UTRN: variants seen among roughly 807,000 people sequenced by gnomAD.
UTRN encodes dystrophin-related protein 1.
In UTRN, 283 loss-of-function variants were observed where a neutral mutation model predicts 463.9. The observed-to-expected ratio is 0.61, with a 90% CI of 0.55 to 0.67. UTRN has a LOEUF of 0.67. Among genes scored for constraint, UTRN ranks in the 30% least tolerant of loss-of-function variants. The pLI is 0.00. For missense variants in UTRN, 3,922 were observed against 4,084.3 expected, an observed-to-expected ratio of 0.96 and a Z score of 1.08; for synonymous variants, 1,442 against 1,431.5, an observed-to-expected ratio of 1.01 and a Z score of -0.17.
chr6:144,290,319 ATT>A (rs1427001354), intron 1 of UTRN, among the ~76,000 whole-genome samples: 27 of 152,310 alleles, frequency 1.8e-4, no homozygotes, highest in Admixed American at 4.6e-4. Context: ...TGTCATGTCT[ATT>A]TAGTCTCCTT....
intron 49 of UTRN, among the ~76,000 whole-genome samples, chr6:144,556,176 G>C (rs944755436): frequency 6.6e-6 from 1 of 152,206 alleles, no homozygotes; most frequent in African/African-American, 2.4e-5. Context: ...TAAGATGGAA[G>C]TGTATATTTG....
chr6:144,382,903 C>T (rs1250542495), intron 2 of UTRN, among the ~76,000 whole-genome samples: 1 of 152,146 alleles, frequency 6.6e-6, no homozygotes, highest in Non-Finnish European at 1.5e-5. Context: ...CGTTTTAGAT[C>T]AGAGTTATAG....
At chr6:144,318,076 A>G (rs1047089053) in intron 2 of UTRN, among the ~76,000 whole-genome samples, 27 of 151,354 alleles carry the variant, frequency 1.8e-4, no homozygotes, top group Non-Finnish European at 3.1e-4. Context: ...TTTTTTTAAC[A>G]CCCTGTGATA....
intron 51 of UTRN, among the ~76,000 whole-genome samples, chr6:144,676,223 ACTTT>A (rs1325277768): frequency 1.3e-5 from 2 of 152,120 alleles, no homozygotes; most frequent in African/African-American, 4.8e-5. Context: ...CTTTCTTTGT[ACTTT>A]CTTTATACTT....
At chr6:144,579,298 T>A (rs1326163249) in intron 51 of UTRN, among the ~76,000 whole-genome samples, 1 of 152,194 alleles carries the variant, frequency 6.6e-6, no homozygotes, top group Non-Finnish European at 1.5e-5. Flanking sequence ...ACTCTAAGTG[T>A]GGATAGATGC....
chr6:144,793,904 T>A lies in UTRN; in HGVS notation c.8991T>A (p.Asp2997Glu). The A allele has an allele frequency of 1.9e-6, 3 of 1,614,152 alleles. No homozygotes were observed. The highest frequency in any genetic ancestry group is 2.5e-6 in the Non-Finnish European group (3 of 1,179,996). The change falls in exon 63 of 75, where the codon GAT becomes GAA. Residue 2997 changes from aspartate to glutamate, a missense_variant. Asp to Glu is a conservative substitution (Grantham distance 45). Around this residue, in one of 3 missense-constraint regions of UTRN, gnomAD observed 1,309 missense variants for 1,452.6 expected, o/e 0.90. Transcript: ENST00000367545. The stretch of plus-strand genomic sequence containing the variant: ...GGCAGCTGGGCCTGTTACTTCATGA[T>A]GCCATCCAGATCCCCCGGCAGCTAG... Reference protein sequence around the residue: ...DQRQLGLLLHDAIQIPRQLGE... With the variant: ...DQRQLGLLLHEAIQIPRQLGE...
intron 23 of UTRN, among the ~76,000 whole-genome samples, chr6:144,470,868 A>G (rs991653988): frequency 6.6e-6 from 1 of 151,812 alleles, no homozygotes; most frequent in Admixed American, 6.6e-5. Context: ...CCACCAAAAA[A>G]TACAAAAACC....
chr6:144,431,728 A>G (rs374800857), intron 9 of UTRN, among the ~76,000 whole-genome samples: 2 of 152,206 alleles, frequency 1.3e-5, no homozygotes, highest in African/African-American at 2.4e-5. Context: ...TCATTATAGT[A>G]TAGAGGTTTG....
chr6:144,652,758 A>G (rs987103050), intron 51 of UTRN, among the ~76,000 whole-genome samples: 2 of 152,186 alleles, frequency 1.3e-5, no homozygotes, highest in African/African-American at 4.8e-5. Context: ...ACTTATGACA[A>G]CAAAAAGGCT....
intron 2 of UTRN, among the ~76,000 whole-genome samples, chr6:144,378,914 C>T (rs1780685573): frequency 6.6e-6 from 1 of 152,120 alleles, no homozygotes; most frequent in African/African-American, 2.4e-5. Flanking sequence ...TTAGAACCAA[C>T]AAAAGTTGAT....
At chr6:144,620,080 G>T (rs1166937490) in intron 51 of UTRN, among the ~76,000 whole-genome samples, 2 of 152,068 alleles carry the variant, frequency 1.3e-5, no homozygotes, top group South Asian at 2.1e-4. Context: ...TTATATATTG[G>T]ATTCCTCTTG....
At chr6:144,639,784 T>G (rs1389943018) in intron 51 of UTRN, among the ~76,000 whole-genome samples, 1 of 152,200 alleles carries the variant, frequency 6.6e-6, no homozygotes, top group African/African-American at 2.4e-5. Context: ...GGGCTGTCTG[T>G]GCCATGTTGC....
intron 2 of UTRN, among the ~76,000 whole-genome samples, chr6:144,381,338 C>T (rs569521530): frequency 3.1e-4 from 47 of 152,322 alleles, no homozygotes; most frequent in Non-Finnish European, 5.7e-4. Context: ...CATGTCCCTG[C>T]AAACAACATG....
At chr6:144,333,486 G>A (rs1243295012) in intron 2 of UTRN, among the ~76,000 whole-genome samples, 9 of 152,146 alleles carry the variant, frequency 5.9e-5, no homozygotes. Context: ...AGATCATACA[G>A]CAACACTTAT....
intron 27 of UTRN, among the ~76,000 whole-genome samples, chr6:144,484,379 T>G (rs879352337): frequency 6.6e-6 from 1 of 151,630 alleles, no homozygotes; most frequent in Non-Finnish European, 1.5e-5. Flanking sequence ...ATGAAATTAT[T>G]TTTTAAAAAT....
chr6:144,748,127 A>G (rs1189172221), intron 54 of UTRN, 119 bp from the exon 55 acceptor site: 1 of 1,292,510 alleles, frequency 7.7e-7, no homozygotes, highest in Non-Finnish European at 1.0e-6. Context: ...TTTACCCTGG[A>G]GTAATTTTTT....
chr6:144,329,581 G>A (rs751695176), intron 2 of UTRN, among the ~76,000 whole-genome samples: 1 of 152,170 alleles, frequency 6.6e-6, no homozygotes, highest in Non-Finnish European at 1.5e-5. Flanking sequence ...TGCTAGAGTT[G>A]TAAGGTGATG....
intron 57 of UTRN, among the ~76,000 whole-genome samples, chr6:144,756,071 A>C (rs1170735955): frequency 6.6e-6 from 1 of 152,136 alleles, no homozygotes; most frequent in Non-Finnish European, 1.5e-5. Flanking sequence ...CCTGGAATAT[A>C]CTGTGTACCT....
intron 2 of UTRN, among the ~76,000 whole-genome samples, chr6:144,297,650 G>C (rs1052999410): frequency 6.6e-6 from 1 of 152,174 alleles, no homozygotes; most frequent in African/African-American, 2.4e-5. Flanking sequence ...CATGAGCCCT[G>C]GGGATTTGTA....
Sources: gnomAD v4.1 joint callset for allele counts (sites outside exome capture counted in the v4.1 genomes callset) on GRCh38, gnomAD v4.1.1 for gene constraint, gnomAD v4.1.1 regional missense constraint, MANE v1.5 for transcripts, NCBI Gene and HGNC (gene_info 2026-07-23, HGNC 2026-07-21) for gene names.